The following NEURL4 variants were observed in gnomAD, a reference collection of about 807,000 sequenced individuals.
NEURL4 encodes neuralized-like protein 4.
In NEURL4, 45 loss-of-function variants were observed where a neutral mutation model predicts 148.0. The observed-to-expected ratio is 0.30, with a 90% CI of 0.24 to 0.39. The LOEUF (loss-of-function observed/expected upper bound fraction) is 0.39. Ranked by LOEUF, NEURL4 falls within the 10% of genes least tolerant of loss-of-function variation. The pLI is 1.00. For synonymous variants in NEURL4, 854 were observed against 869.0 expected (o/e 0.98, Z 0.30); for missense variants, 1,776 against 2,144.0 (o/e 0.83, Z 3.39).
Position 7,322,825 on chromosome 17 carries a change from C to A in NEURL4, c.2635G>T (p.Val879Leu). The A allele has an allele frequency of 6.2e-7, 1 of 1,614,080 alleles. No homozygotes were observed. ...VVDLYGQCVQ[V>L]SITNATGPMD... ...GGGCCGGTGGCATTGGTGATGGACA[C>A]TTGGACACACTGGCCATAGAGATCG... is the stretch of plus-strand genomic sequence containing the variant. Residue 879 changes from valine to leucine, a missense_variant, in exon 16 of 29, where the codon GTG becomes TTG. Val to Leu is a conservative substitution (Grantham distance 32). Coordinates refer to ENST00000399464, the MANE Select transcript of NEURL4 (RefSeq NM_032442.3). The surrounding 1 kb of genome is among the most constrained non-coding windows in gnomAD (Gnocchi z 5.5).
rs775345780 is a variant in NEURL4 at position 7,321,976 on chromosome 17, G to C, written c.2760C>G (p.Cys920Trp). 2.5e-6 allele frequency: 4 copies of C among 1,612,158 alleles called. No individual in the cohort carries two copies. The highest frequency in any genetic ancestry group is 1.3e-5 in the African/African-American group (1 of 74,884). Residue 920 changes from cysteine (C) to tryptophan (W), a missense_variant, in exon 17 of 29, where the codon TGC becomes TGG. By Grantham distance (215) the Cys-to-Trp change is radical. Transcript: ENST00000399464. The surrounding 1 kb of genome is among the most constrained non-coding windows in gnomAD (Gnocchi z 6.3). ...CCTCCTCTAGAGTGACGTTCTTGCC[G>C]CAAGTACTGTGGAATCGGTGAGCCA... ...AGVAHRFHST[C>W]GKNVTLEEDG...
rs1384857434 is a variant in NEURL4 at position 7,329,329 on chromosome 17, G to T, written c.-17C>A. ...TGCCGCCATCTCCGCTGACACCGGG[G>T]CAGCGCGACAGCCGCGCTTGGCGGC... On this transcript the variant is annotated 5_prime_UTR_variant, in exon 1 of 29. Transcript: ENST00000399464. The T allele has an allele frequency of 5.1e-6, 7 of 1,378,388 alleles. No individual in the cohort carries two copies. In the South Asian group the frequency reaches 1.2e-4, roughly 23 times the overall value. The allele number at this position is 1,378,388 out of a possible 1,614,324, so 85.4% of individuals were successfully genotyped here. A position where few individuals can be genotyped will look rare whatever the true frequency, so the allele number is the denominator to read the frequency against.
chr17:7,323,049 C>G lies in NEURL4; in HGVS notation c.2492G>C (p.Gly831Ala). ...YGCDLDALGT[G>A]ARIGMMRTAK... ...AGTTCGCATCATGCCAATGCGTGCA[C>G]CTGTGCCCAGCGCATCCAGGTCACA... Residue 831 changes from glycine (G) to alanine (A), a missense_variant, in exon 15 of 29, where the codon GGT becomes GCT. Transcript: ENST00000399464. 6.2e-7 allele frequency: 1 copy of G among 1,613,808 alleles called. No individual in the cohort carries two copies. The highest frequency in any genetic ancestry group is 8.5e-7 in the Non-Finnish European group (1 of 1,179,992).
In NEURL4 at chr17:7,324,437, C is replaced by A; in HGVS notation, c.1857G>T (p.Thr619=). The A allele has an allele frequency of 6.2e-7, 1 of 1,614,100 alleles. No individual in the cohort carries two copies. Among genetic ancestry groups the A allele is most frequent in the South Asian group, 1.1e-5 (1 of 91,056 alleles). The change falls in exon 10 of 29, where the codon ACG becomes ACT. Residue 619 remains threonine (T), a synonymous_variant. Transcript: ENST00000399464. This position sits in a 1 kb window ranked among gnomAD's most constrained non-coding sequence, Gnocchi z 5.9. ...TGTGCCCGTATTCATCCAGGATGGT[C>A]GTCCCATTGTGCATCACCCCATTCC... ...MTGNGVMHNG[T]TILDEYGHNL... is the part of the protein sequence containing the mutation.
chr17:7,327,658 C>A lies in NEURL4; in HGVS notation c.509G>T (p.Arg170Leu). 6.2e-7 allele frequency: 1 copy of A among 1,613,790 alleles called. No homozygotes were observed. The highest frequency in any genetic ancestry group is 1.1e-5 in the South Asian group (1 of 91,088). ...GVERTVAGEL[R>L]LWVNGRDCGV... ...GCAATCCCGCCCATTCACCCAGAGC[C>A]GAAGCTCCCCAGCAACTGTGCGCTC... is the stretch of plus-strand genomic sequence containing the variant. The change falls in exon 2 of 29, where the codon CGG becomes CTG. Residue 170 changes from arginine to leucine, a missense_variant. By Grantham distance (102) the Arg-to-Leu change is moderately radical. Transcript: ENST00000399464. This position sits in a 1 kb window ranked among gnomAD's most constrained non-coding sequence, Gnocchi z 6.6.
rs1304793192 is a variant in NEURL4 at position 7,322,480 on chromosome 17, C to G, written c.2725+255G>C. ...GCCCTGATACCTCTTTTCACCACAGCAAGGCCCATTTCCAAACCTGGCATG... is the reference window on the plus strand; with the variant it reads ...GCCCTGATACCTCTTTTCACCACAGGAAGGCCCATTTCCAAACCTGGCATG... On this transcript the variant is annotated intron_variant, in intron 16 of 28. Coordinates refer to ENST00000399464, the MANE Select transcript of NEURL4 (RefSeq NM_032442.3). This position sits in a 1 kb window ranked among gnomAD's most constrained non-coding sequence, Gnocchi z 5.5. 4.6e-5 allele frequency among the ~76,000 whole-genome samples: 7 copies of G among 152,278 alleles called. No individual in the cohort carries two copies. The highest frequency in any genetic ancestry group is 2.1e-4 in the South Asian group (1 of 4,832).
At position 7,329,159 on chromosome 17, in the gene NEURL4, C is replaced by A; in HGVS notation, c.154G>T (p.Val52Leu). 1 of 1,605,452 alleles carries A rather than the reference C, an allele frequency of 6.2e-7. No homozygotes were observed. The highest frequency in any genetic ancestry group is 2.2e-5 in the East Asian group (1 of 44,712). ...GELHPRTGRL[V>L]SLSACGRTAR... Reference sequence around the variant, plus strand: ...GTACGCCCACAGGCCGACAGGCTCACCAAGCGCCCAGTGCGCGGGTGCAGT... The same window carrying A: ...GTACGCCCACAGGCCGACAGGCTCAACAAGCGCCCAGTGCGCGGGTGCAGT... Residue 52 changes from valine (V) to leucine (L), a missense_variant, in exon 1 of 29, where the codon GTG becomes TTG. Val to Leu is a conservative substitution (Grantham distance 32, BLOSUM62 1). Transcript: ENST00000399464.
chr17:7,322,050 G>T lies in NEURL4; in HGVS notation c.2726-40C>A. ...CACCAGTAGAAGGGGTAGGATTGGG[G>T]CAGCGAGCTTCAGGCAGAACACAGA... On this transcript the variant is annotated intron_variant, in intron 16 of 28. Coordinates refer to ENST00000399464, the MANE Select transcript of NEURL4 (RefSeq NM_032442.3). The surrounding 1 kb of genome is among the most constrained non-coding windows in gnomAD (Gnocchi z 5.5). 1 of 1,553,112 alleles carries T rather than the reference G, an allele frequency of 6.4e-7. No homozygotes were observed.
chr17:7,327,631 C>T lies in NEURL4; in HGVS notation c.536G>A (p.Gly179Asp), dbSNP rs1446896593. The part of the protein sequence containing the change: ...LRLWVNGRDC[G>D]VAATGLPPRV... ...AGGGGGCAGGCCTGTGGCAGCCACA[C>T]CGCAATCCCGCCCATTCACCCAGAG... Residue 179 changes from glycine (G) to aspartate (D), a missense_variant, in exon 2 of 29, where the codon GGT (glycine) becomes GAT (aspartate). Transcript: ENST00000399464. This position sits in a 1 kb window ranked among gnomAD's most constrained non-coding sequence, Gnocchi z 6.6. 6.2e-7 allele frequency: 1 copy of T among 1,613,226 alleles called. No individual in the cohort carries two copies. Among genetic ancestry groups the T allele is most frequent in the South Asian group, 1.1e-5 (1 of 91,084 alleles).
chr17:7,324,220 G>C lies in NEURL4; in HGVS notation c.1950C>G (p.Phe650Leu). The C allele has an allele frequency of 6.2e-7, 1 of 1,613,790 alleles. No homozygotes were observed. The highest frequency in any genetic ancestry group is 1.1e-5 in the South Asian group (1 of 91,090). The change falls in exon 11 of 29, where the codon TTC becomes TTG. Residue 650 changes from phenylalanine (F) to leucine (L), a missense_variant. Coordinates refer to ENST00000399464, the MANE Select transcript of NEURL4 (RefSeq NM_032442.3). The surrounding 1 kb of genome is among the most constrained non-coding windows in gnomAD (Gnocchi z 5.9). ...GGCCCTGAGTCATCCCATTGACAAA[G>C]AAGTGGAGAGTCCCGTCCTCCCGCC... ...VVRREDGTLH[F>L]FVNGMTQGPA... is the part of the protein sequence containing the mutation.
At position 7,323,739 on chromosome 17, in the gene NEURL4, C is replaced by A; in HGVS notation, c.2262-16G>T. On this transcript the variant is annotated splice_polypyrimidine_tract_variant and intron_variant, in intron 12 of 28. Transcript: ENST00000399464. ...CCGCAGGGCCCTGCCAGGAGACTGG[C>A]GATCAGAGAGGCTCTACTTGCATGG... The A allele has an allele frequency of 6.2e-7, 1 of 1,614,026 alleles. No individual in the cohort carries two copies. The highest frequency in any genetic ancestry group is 8.5e-7 in the Non-Finnish European group (1 of 1,179,978).
Position 7,320,878 on chromosome 17 carries a change from C to T in NEURL4, c.3406G>A (p.Glu1136Lys), listed in dbSNP as rs1181196983. The change falls in exon 21 of 29, where the codon GAG becomes AAG. Residue 1136 changes from glutamate to lysine, a missense_variant. Transcript: ENST00000399464. ...GIIPTTLEFL[E>K]NHGKNILLSN... ...AAAAGGATATTCTTCCCATGGTTCT[C>T]CAGGAACTCGAGGGTGGTGGGTATA... is the stretch of plus-strand genomic sequence containing the variant. The T allele has an allele frequency of 6.2e-7, 1 of 1,614,104 alleles. No individual in the cohort carries two copies. Among genetic ancestry groups the T allele is most frequent in the South Asian group, 1.1e-5 (1 of 91,066 alleles).
Position 7,327,394 on chromosome 17 carries a change from C to A in NEURL4, c.727+46G>T. ...AGCCTGTCTTGTCACTCTATTTCCC[C>A]CATTCCGTCCCCACCCCACCACCAC... On this transcript the variant is annotated intron_variant, in intron 2 of 28. Coordinates refer to ENST00000399464, the MANE Select transcript of NEURL4 (RefSeq NM_032442.3). This position sits in a 1 kb window ranked among gnomAD's most constrained non-coding sequence, Gnocchi z 6.6. 6.7e-7 allele frequency: 1 copy of A among 1,490,700 alleles called. No homozygotes were observed. The allele number at this position is 1,490,700 out of a possible 1,614,324, so 92.3% of individuals were successfully genotyped here. A position where few individuals can be genotyped will look rare whatever the true frequency, so the allele number is the denominator to read the frequency against.
chr17:7,328,299 C>T (rs2073128852), intron 1 of NEURL4, among the ~76,000 whole-genome samples: 1 of 152,238 alleles, frequency 6.6e-6, no homozygotes, highest in Admixed American at 6.5e-5. Context: ...CTTCCAAGTT[C>T]TTTTTCTGTG....
At position 7,327,516 on chromosome 17, in the gene NEURL4, G is replaced by A. The variant is rs1172158359; in HGVS notation, c.651C>T (p.Ile217=). 1.2e-6 allele frequency: 2 copies of A among 1,601,504 alleles called. No homozygotes were observed. Among genetic ancestry groups the A allele is most frequent in the South Asian group, 1.1e-5 (1 of 89,408 alleles). ...PEPGFSPPTP[I]PTPPLEPLAP... ...CCAAGGGCTCGAGGGGAGGTGTGGG[G>A]ATGGGAGTAGGGGGGCTGAAGCCTG... The change falls in exon 2 of 29, where the codon ATC becomes ATT. Residue 217 remains isoleucine (I), a synonymous_variant. Transcript: ENST00000399464. This position sits in a 1 kb window ranked among gnomAD's most constrained non-coding sequence, Gnocchi z 6.6.
chr17:7,328,821 G>C (rs1800770115), intron 1 of NEURL4, among the ~76,000 whole-genome samples: 2 of 152,040 alleles, frequency 1.3e-5, no homozygotes, highest in Non-Finnish European at 2.9e-5. Context: ...CCTGGTTCTG[G>C]ATCTTGAGAA....
At chr17:7,319,707 AACAAAAAAAC>A (rs1270326094) in intron 21 of NEURL4, among the ~76,000 whole-genome samples, 11 of 106,594 alleles carry the variant, frequency 1.0e-4, no homozygotes, top group South Asian at 6.0e-4. Flanking sequence ...TCTCAAAAAA[AACAAAAAAAC>A]AAAAAAACAA....
In NEURL4 at chr17:7,318,865, G is replaced by T; in HGVS notation, c.3684+185C>A. On this transcript the variant is annotated intron_variant, in intron 22 of 28. Transcript: ENST00000399464. This position sits in a 1 kb window ranked among gnomAD's most constrained non-coding sequence, Gnocchi z 4.3. ...AAACTGGCACATTCTCAATGGCAGG[G>T]ACACCGCAGGAAGCAGCAGGCCTAA... 1.1e-6 allele frequency: 1 copy of T among 886,904 alleles called. No individual in the cohort carries two copies. The allele number at this position is 886,904 out of a possible 1,614,324, so 54.9% of individuals were successfully genotyped here. A position where few individuals can be genotyped will look rare whatever the true frequency, so the allele number is the denominator to read the frequency against.
rs780267665 is a variant in NEURL4, at chr17:7,321,236, C to T, written c.3236G>A (p.Arg1079His). The T allele has an allele frequency of 1.9e-6, 3 of 1,614,016 alleles. No homozygotes were observed. Among genetic ancestry groups the T allele is most frequent in the East Asian group, 2.2e-5 (1 of 44,890 alleles). ...WAVLDLYGPV[R>H]GVSIVSSTRL... ...CGTGGAACTGACAATTGACACACCG[C>T]GGACTGGCCCGTAGAGATCCAACAC... is the stretch of plus-strand genomic sequence containing the variant. The change falls in exon 20 of 29, where the codon CGC (arginine) becomes CAC (histidine). Residue 1079 changes from arginine to histidine, a missense_variant. Physicochemically the swap from Arg to His is conservative, Grantham distance 29 (BLOSUM62 0). Transcript: ENST00000399464. This position sits in a 1 kb window ranked among gnomAD's most constrained non-coding sequence, Gnocchi z 6.3.
Sources: allele counts gnomAD v4.1 joint callset (sites outside exome capture counted in the v4.1 genomes callset), GRCh38; gene constraint gnomAD v4.1.1; non-coding constraint Gnocchi (gnomAD v3.1); transcripts MANE v1.5; gene names NCBI Gene and HGNC (gene_info 2026-07-23, HGNC 2026-07-21).